The following LAMB1 variants were observed in gnomAD, a reference collection of about 807,000 sequenced individuals.
LAMB1 encodes laminin subunit beta 1.
A neutral mutation model predicts 222.3 loss-of-function variants in LAMB1; 121 were observed. The observed-to-expected ratio is 0.54, with a 90% CI of 0.47 to 0.63. LAMB1 has a LOEUF of 0.63. Among genes scored for constraint, LAMB1 ranks in the 30% least tolerant of loss-of-function variants. LAMB1 has a pLI of 0.00. For missense variants in LAMB1, 2,172 were observed against 2,240.8 expected (o/e 0.97, Z 0.62); for synonymous variants, 794 against 807.2 (o/e 0.98, Z 0.28).
In LAMB1 at chr7:107,975,021, G is replaced by A. The variant is rs139568495; in HGVS notation, c.1447C>T (p.Arg483Cys). The A allele has an allele frequency of 2.3e-4, 372 of 1,611,196 alleles. 1 individual carries two copies. The East Asian group carries it at 6.6e-3, about 29-fold the overall frequency. Reference protein sequence around the residue: ...DSETGHCYCKRLVTGQHCDQC... With the variant: ...DSETGHCYCKCLVTGQHCDQC... ...TCACAATGCTGTCCTGTCACCAGAC[G>A]CTTGCAGTAGCAGTGACCTGTCTCG... The change falls in exon 12 of 34, where the codon CGT becomes TGT. Residue 483 changes from arginine to cysteine, a missense_variant. Coordinates refer to ENST00000222399, the MANE Select transcript of LAMB1 (RefSeq NM_002291.3).
Position 107,940,287 on chromosome 7 carries a change from CA to C in LAMB1, c.3462del (p.Glu1155ArgfsTer34). On this transcript the variant is annotated frameshift_variant, in exon 25 of 34. Coordinates refer to ENST00000222399, the MANE Select transcript of LAMB1 (RefSeq NM_002291.3). LOFTEE classifies it high-confidence loss of function. Reference protein sequence around the residue: ...CDQSTGQCVCVEGVEGPRCDK... With the variant: ...CDQSTGQCVCXEGVEGPRCDK... Reference sequence around the variant, plus strand: ...TCACAGCGTGGACCCTCAACACCCTCAACGCAGACACACTGGCCCGTGGACT... The same window carrying C: ...TCACAGCGTGGACCCTCAACACCCTCACGCAGACACACTGGCCCGTGGACT... 1 of 1,614,210 alleles carries C rather than the reference CA, an allele frequency of 6.2e-7. No homozygotes were observed. The highest frequency in any genetic ancestry group is 8.5e-7 in the Non-Finnish European group (1 of 1,180,036).
At chr7:107,996,710 T>G (rs2034287516) in intron 4 of LAMB1, among the ~76,000 whole-genome samples, 1 of 152,206 alleles carries the variant, frequency 6.6e-6, no homozygotes, top group South Asian at 2.1e-4. Context: ...AGATTCAAAG[T>G]TGTAGAAGTT....
chr7:107,962,937 C>T lies in LAMB1; in HGVS notation c.1825G>A (p.Glu609Lys). 1 of 1,613,970 alleles carries T rather than the reference C, an allele frequency of 6.2e-7. No individual in the cohort carries two copies. The highest frequency in any genetic ancestry group is 8.5e-7 in the Non-Finnish European group (1 of 1,179,960). ...FFIDNIPYSM[E>K]YDILIRYEPQ... The stretch of plus-strand genomic sequence containing the variant: ...TCGTAGCGAATTAGGATGTCGTACT[C>T]CATGGAATATGGTATGTTGTCAATG... Residue 609 changes from glutamate to lysine, a missense_variant, in exon 15 of 34, where the codon GAG becomes AAG. Transcript: ENST00000222399.
rs11368241 is a variant in LAMB1, at chr7:107,953,359, TA to T, written c.3079+170del. On this transcript the variant is annotated intron_variant, in intron 22 of 33. Coordinates refer to ENST00000222399, the MANE Select transcript of LAMB1 (RefSeq NM_002291.3). The stretch of plus-strand genomic sequence containing the variant: ...GTGATAGAGTGAGACTCTGTCTCAT[TA>T]AAAAAAAAAAAAAAATTGGTCTCAT... Among the ~76,000 whole-genome samples the T allele has an allele frequency of 0.61, 88,359 of 143,848 alleles. 26,540 individuals are homozygous for T. Among genetic ancestry groups the T allele is most frequent in the East Asian group, 0.83 (4,077 of 4,910 alleles). 94.4% of individuals were successfully genotyped at this position (143,848 alleles called of 152,430 possible).
In LAMB1 at chr7:107,953,587, G is replaced by A. The variant is rs2033307313; in HGVS notation, c.3022C>T (p.His1008Tyr). ...TATCCAAACCGGCAGAACTGACAGT[G>A]TTCCCCTTCCGTGTGGTACAGGCAC... is the stretch of plus-strand genomic sequence containing the variant. Reference protein sequence around the residue: ...LKCLYHTEGEHCQFCRFGYYG... With the variant: ...LKCLYHTEGEYCQFCRFGYYG... The change falls in exon 22 of 34, where the codon CAC becomes TAC. Residue 1008 changes from histidine (H) to tyrosine (Y), a missense_variant. Transcript: ENST00000222399. The A allele has an allele frequency of 6.2e-7, 1 of 1,614,192 alleles. No individual in the cohort carries two copies. The highest frequency in any genetic ancestry group is 8.5e-7 in the Non-Finnish European group (1 of 1,180,038).
chr7:107,958,644 G>A (rs56234210), intron 20 of LAMB1, among the ~76,000 whole-genome samples: 5,906 of 152,264 alleles, frequency 0.039, 372 homozygotes, highest in African/African-American at 0.13. Context: ...TAAGTCAGCA[G>A]GTAACTTTTT....
intron 24 of LAMB1, among the ~76,000 whole-genome samples, chr7:107,950,923 GGTGTGTGTGTGTGTGTGTGTGTGTGT>G (rs57060477): frequency 4.1e-5 from 6 of 147,750 alleles, no homozygotes; most frequent in African/African-American, 1.5e-4. Flanking sequence ...GTGTATTTGT[GGTGTGTGTGTGTGTGTGTGTGTGTGT>G]GTGTGTGTGT....
In LAMB1 at chr7:107,935,481, C is replaced by T. The variant is rs766147731; in HGVS notation, c.4122G>A (p.Gln1374=). 1 of 1,613,372 alleles carries T rather than the reference C, an allele frequency of 6.2e-7. No homozygotes were observed. Among genetic ancestry groups the T allele is most frequent in the African/African-American group, 1.3e-5 (1 of 74,682 alleles). ...CTGCCAGTTCATCAAGGAGGCGAGC[C>T]TGCTCCTCTTGTTTTTCCTTGAACT... ...ESQFKEKQEE[Q]ARLLDELAGK... The change falls in exon 27 of 34, where the codon CAG becomes CAA. Residue 1374 remains glutamine, a synonymous_variant. Transcript: ENST00000222399.
chr7:107,927,866 G>A (rs906929746), intron 31 of LAMB1, among the ~76,000 whole-genome samples: 4 of 152,246 alleles, frequency 2.6e-5, no homozygotes, highest in South Asian at 2.1e-4. Flanking sequence ...GGGAACACAG[G>A]TTTTTACCAA....
intron 14 of LAMB1, among the ~76,000 whole-genome samples, chr7:107,963,600 G>A (rs2033559766): frequency 6.6e-6 from 1 of 152,174 alleles, no homozygotes; most frequent in Non-Finnish European, 1.5e-5. Context: ...AAATGGCTGG[G>A]ATCAACTCTT....
At chr7:107,994,144 T>C (rs941867820) in intron 5 of LAMB1, among the ~76,000 whole-genome samples, 4 of 152,250 alleles carry the variant, frequency 2.6e-5, no homozygotes, top group Non-Finnish European at 4.4e-5. Context: ...AACTAAATTA[T>C]GGGTTTTCTG....
intron 5 of LAMB1, among the ~76,000 whole-genome samples, chr7:107,988,995 T>C (rs906385485): frequency 3.9e-5 from 6 of 152,132 alleles, no homozygotes; most frequent in Admixed American, 1.3e-4. Context: ...AATGAGAAAA[T>C]TGAGGCTCGG....
Position 107,998,553 on chromosome 7 carries a change from A to T in LAMB1, c.214-61T>A, listed in dbSNP as rs569414095. The T allele has an allele frequency of 4.2e-5, 61 of 1,453,036 alleles. No homozygotes were observed. The African/African-American group carries it at 6.0e-4, about 14-fold the overall frequency. 90.0% of individuals were successfully genotyped at this position (1,453,036 alleles called of 1,614,324 possible). A position where few individuals can be genotyped will look rare whatever the true frequency, so the allele number is the denominator to read the frequency against. Reference sequence around the variant, plus strand: ...AATCTCATTAAAAACATTTTTAATTAAAAAAACCCCATGAAGCTCCTAATA... The same window carrying T: ...AATCTCATTAAAAACATTTTTAATTTAAAAAACCCCATGAAGCTCCTAATA... On this transcript the variant is annotated intron_variant, in intron 3 of 33. Coordinates refer to ENST00000222399, the MANE Select transcript of LAMB1 (RefSeq NM_002291.3).
intron 2 of LAMB1, 36 bp downstream of exon 2, chr7:108,002,813 T>C (rs767576438): frequency 6.2e-7 from 1 of 1,613,776 alleles, no homozygotes; most frequent in South Asian, 1.1e-5. Context: ...CATGCCCAAG[T>C]CCGTCCGCCT....
chr7:107,947,711 C>A (rs1292286852), intron 24 of LAMB1, among the ~76,000 whole-genome samples: 3 of 152,202 alleles, frequency 2.0e-5, no homozygotes, highest in Non-Finnish European at 4.4e-5. Flanking sequence ...AGGTTATGAG[C>A]TTTCTCCAAA....
intron 8 of LAMB1, among the ~76,000 whole-genome samples, chr7:107,979,799 C>T (rs181453637): frequency 6.4e-4 from 97 of 152,336 alleles, no homozygotes; most frequent in African/African-American, 2.3e-3. Context: ...GTGGGCAGGG[C>T]GCATTGGCTC....
At chr7:108,002,091 C>T in intron 2 of LAMB1, 1 of 1,469,476 alleles carries the variant, frequency 6.8e-7, no homozygotes, top group East Asian at 2.6e-5. Context: ...GTCCGGAGCC[C>T]GGCGCAGGGA....
chr7:107,932,632 T>A (rs2032741811), intron 27 of LAMB1: 1 of 537,448 alleles, frequency 1.9e-6, no homozygotes, highest in Non-Finnish European at 3.4e-6. Flanking sequence ...AAATACTATA[T>A]GAGCTCTGCC....
At chr7:107,976,883 C>CCT (rs2033870598) in intron 9 of LAMB1, among the ~76,000 whole-genome samples, 2 of 60,300 alleles carry the variant, frequency 3.3e-5, no homozygotes, top group African/African-American at 7.5e-5. Context: ...TTTCCTCTTG[C>CCT]TCCTTCCTTC....
Sources: allele counts gnomAD v4.1 joint callset (sites outside exome capture counted in the v4.1 genomes callset), GRCh38; gene constraint gnomAD v4.1.1; transcripts MANE v1.5; gene names NCBI Gene and HGNC (gene_info 2026-07-23, HGNC 2026-07-21).